NPAS3: variants seen among roughly 807,000 people sequenced by gnomAD.
NPAS3 encodes the protein neuronal PAS domain-containing protein 3.
Under a neutral mutation model 73.1 loss-of-function variants are expected in NPAS3, and 14 were observed. The ratio of observed to expected loss-of-function variants is 0.19; its 90% CI spans 0.13 to 0.30. The LOEUF is 0.30. Among genes scored for constraint, NPAS3 ranks in the 10% least tolerant of loss-of-function variants. The pLI is 1.00. For synonymous variants in NPAS3, 620 were observed against 541.5 expected (o/e 1.14, Z -2.01); for missense variants, 1,096 against 1,250.0 (o/e 0.88, Z 1.86).
intron 6 of NPAS3, among the ~76,000 whole-genome samples, chr14:33,712,506 T>G (rs1352573377): frequency 6.6e-6 from 1 of 152,138 alleles, no homozygotes; most frequent in Admixed American, 6.5e-5. Flanking sequence ...CTTGAGCAAA[T>G]GCACAACTTT....
intron 5 of NPAS3, among the ~76,000 whole-genome samples, chr14:33,613,791 A>G (rs2057827462): frequency 1.3e-5 from 2 of 150,372 alleles, no homozygotes; most frequent in African/African-American, 4.9e-5. Context: ...AAATGTATCT[A>G]CTTTAAGATC....
At chr14:33,618,011 G>A (rs2057971880) in intron 5 of NPAS3, among the ~76,000 whole-genome samples, 1 of 152,116 alleles carries the variant, frequency 6.6e-6, no homozygotes, top group South Asian at 2.1e-4. Flanking sequence ...AGACACAGCG[G>A]GGACTCAACA....
intron 1 of NPAS3, among the ~76,000 whole-genome samples, chr14:33,004,930 A>C (rs546314377): frequency 3.4e-4 from 51 of 150,132 alleles, no homozygotes; most frequent in Middle Eastern, 7.0e-3. Flanking sequence ...ACTGTCTTCC[A>C]CCTTCACATC....
intron 1 of NPAS3, among the ~76,000 whole-genome samples, chr14:33,045,289 C>T (rs1387450609): frequency 1.3e-5 from 2 of 152,118 alleles, no homozygotes; most frequent in Non-Finnish European, 2.9e-5. Flanking sequence ...GCCTATTTTC[C>T]ATCTGTATCT....
At chr14:33,099,777 T>G (rs1310731925) in intron 2 of NPAS3, among the ~76,000 whole-genome samples, 1 of 152,170 alleles carries the variant, frequency 6.6e-6, no homozygotes, top group Non-Finnish European at 1.5e-5. Context: ...TATACCCATC[T>G]CATTAAGAAT....
At chr14:33,739,789 T>C (rs150945204) in intron 7 of NPAS3, among the ~76,000 whole-genome samples, 1,593 of 152,284 alleles carry the variant, frequency 0.01, 17 homozygotes, top group Admixed American at 0.017. Context: ...ACCAAGTTAG[T>C]GCATCTTCCA....
chr14:33,063,707 C>A (rs1423997934), intron 2 of NPAS3, among the ~76,000 whole-genome samples: 1 of 152,138 alleles, frequency 6.6e-6, no homozygotes, highest in Non-Finnish European at 1.5e-5. Context: ...TACAATCTGG[C>A]CATTTATAGA....
At chr14:33,716,038 T>C (rs780055660) in intron 6 of NPAS3, among the ~76,000 whole-genome samples, 2 of 152,180 alleles carry the variant, frequency 1.3e-5, no homozygotes, top group Non-Finnish European at 2.9e-5. Flanking sequence ...TACCCAGTCT[T>C]GGGTGTGTCC....
At chr14:33,671,508 G>C (rs758679484) in intron 5 of NPAS3, among the ~76,000 whole-genome samples, 3 of 152,192 alleles carry the variant, frequency 2.0e-5, no homozygotes, top group Non-Finnish European at 4.4e-5. Context: ...GGATATTCTG[G>C]ATGGCACTAG....
At chr14:33,217,776 C>T (rs952167159) in intron 3 of NPAS3, among the ~76,000 whole-genome samples, 3 of 152,068 alleles carry the variant, frequency 2.0e-5, no homozygotes, top group African/African-American at 7.2e-5. Context: ...TGTCATTATT[C>T]CCTCATTTTA....
chr14:33,072,393 A>G (rs2041516012), intron 2 of NPAS3, among the ~76,000 whole-genome samples: 1 of 152,234 alleles, frequency 6.6e-6, no homozygotes, highest in South Asian at 2.1e-4. Flanking sequence ...TCACTGTATT[A>G]TATTTTGAAA....
chr14:33,209,454 C>T (rs1463631866), intron 2 of NPAS3, among the ~76,000 whole-genome samples: 5 of 152,120 alleles, frequency 3.3e-5, no homozygotes, highest in Non-Finnish European at 7.4e-5. Flanking sequence ...TCATTCGGCT[C>T]ATGTTAGGGC....
rs192730264 is a variant in NPAS3 at position 33,785,175 on chromosome 14, C to T, written c.1153+6603C>T. ...TTCTGGCCGGGCATGGTGGCTCATG[C>T]TTGTAATCCCAGCACTTTGGGAGGC... is the stretch of plus-strand genomic sequence containing the variant. On this transcript the variant is annotated intron_variant, in intron 9 of 11. Transcript: ENST00000356141. Among the ~76,000 whole-genome samples the T allele has an allele frequency of 2.4e-4, 36 of 151,820 alleles. No homozygotes were observed. The East Asian group carries it at 6.3e-3, about 26-fold the overall frequency.
intron 4 of NPAS3, among the ~76,000 whole-genome samples, chr14:33,411,042 C>T (rs1181753864): frequency 6.6e-6 from 1 of 152,222 alleles, no homozygotes; most frequent in Non-Finnish European, 1.5e-5. Context: ...CAGTCCTACT[C>T]AGTCTCTGGG....
chr14:33,426,760 T>C (rs1027590897), intron 4 of NPAS3, among the ~76,000 whole-genome samples: 3 of 152,094 alleles, frequency 2.0e-5, no homozygotes, highest in Admixed American at 1.3e-4. Flanking sequence ...AAGGAATGGA[T>C]CAAATGATTT....
At chr14:32,973,176 C>G (rs1220513059) in intron 1 of NPAS3, among the ~76,000 whole-genome samples, 1 of 152,144 alleles carries the variant, frequency 6.6e-6, no homozygotes, top group Non-Finnish European at 1.5e-5. Context: ...AGAGAAGACT[C>G]TACATAAAAG....
chr14:32,993,039 A>G (rs1466030073), intron 1 of NPAS3, among the ~76,000 whole-genome samples: 2 of 151,870 alleles, frequency 1.3e-5, no homozygotes, highest in Non-Finnish European at 2.9e-5. Flanking sequence ...ACCTGTTGCT[A>G]CTTGGGAGGC....
At chr14:33,100,484 C>T (rs1289013172) in intron 2 of NPAS3, among the ~76,000 whole-genome samples, 4 of 152,028 alleles carry the variant, frequency 2.6e-5, no homozygotes, top group Non-Finnish European at 4.4e-5. Flanking sequence ...ATAGAAAAGC[C>T]TACTTAGACA....
intron 2 of NPAS3, among the ~76,000 whole-genome samples, chr14:33,178,956 A>C (rs1449560329): frequency 1.3e-5 from 2 of 152,168 alleles, no homozygotes; most frequent in Non-Finnish European, 2.9e-5. Flanking sequence ...CATTTTTTGC[A>C]AATGTCTTTT....
Sources: allele counts gnomAD v4.1 joint callset (sites outside exome capture counted in the v4.1 genomes callset), GRCh38; gene constraint gnomAD v4.1.1; transcripts MANE v1.5; gene names NCBI Gene and HGNC (gene_info 2026-07-23, HGNC 2026-07-21).